The following PLCE1 variants were observed in gnomAD, a reference collection of about 807,000 sequenced individuals.
PLCE1 encodes phospholipase C epsilon 1.
PLCE1 carries 119 observed loss-of-function variants against 242.8 expected under a neutral mutation model. That is an observed-to-expected ratio of 0.49 (90% CI 0.42 to 0.57). The LOEUF is 0.57. PLCE1 is among the 20% of genes least tolerant of loss of function. The pLI, the probability that PLCE1 is intolerant of heterozygous loss-of-function variation, is 0.00. For missense variants in PLCE1, 2,441 were observed against 2,788.8 expected, an observed-to-expected ratio of 0.88 and a Z score of 2.81; for synonymous variants, 945 against 1,017.4, an observed-to-expected ratio of 0.93 and a Z score of 1.35.
intron 1 of PLCE1, among the ~76,000 whole-genome samples, chr10:94,008,907 A>G (rs1420667583): frequency 2.0e-5 from 3 of 152,116 alleles, no homozygotes; most frequent in East Asian, 3.9e-4. Flanking sequence ...AGCCGTGTGT[A>G]TGGGTTTTGC....
chr10:94,302,015 T>C (rs1415991182), intron 24 of PLCE1, among the ~76,000 whole-genome samples: 1 of 152,220 alleles, frequency 6.6e-6, no homozygotes, highest in Non-Finnish European at 1.5e-5. Flanking sequence ...TATCTATCAT[T>C]ATGTGCATTG....
intron 11 of PLCE1, among the ~76,000 whole-genome samples, chr10:94,255,943 CT>C (rs2051071657): frequency 2.5e-4 from 37 of 148,588 alleles, no homozygotes; most frequent in Non-Finnish European, 4.6e-4. Context: ...CTCTCTCTCT[CT>C]CTCTCTCTCT....
At chr10:94,038,536 T>C (rs1259372260) in intron 2 of PLCE1, among the ~76,000 whole-genome samples, 2 of 152,064 alleles carry the variant, frequency 1.3e-5, no homozygotes, top group Admixed American at 6.6e-5. Flanking sequence ...CCTTCTTATT[T>C]AGGCCATCAC....
chr10:94,096,050 T>C (rs1257434699), intron 2 of PLCE1, among the ~76,000 whole-genome samples: 1 of 152,182 alleles, frequency 6.6e-6, no homozygotes, highest in Non-Finnish European at 1.5e-5. Context: ...GGGCCGTGAC[T>C]TCATTGCCCA....
chr10:94,161,731 G>A (rs1276953113), intron 3 of PLCE1, among the ~76,000 whole-genome samples: 1 of 152,128 alleles, frequency 6.6e-6, no homozygotes, highest in Non-Finnish European at 1.5e-5. Context: ...CCTGTCTTGT[G>A]CCAGTTTTCA....
Position 94,033,575 on chromosome 10 carries a change from A to C in PLCE1, c.1206+1323A>C, listed in dbSNP as rs543366410. Among the ~76,000 whole-genome samples the C allele has an allele frequency of 3.1e-3, 474 of 152,220 alleles. 2 individuals are homozygous for C. The highest frequency in any genetic ancestry group is 0.011 in the African/African-American group (456 of 41,532). On this transcript the variant is annotated intron_variant, in intron 2 of 32. Coordinates refer to ENST00000371380, the MANE Select transcript of PLCE1 (RefSeq NM_016341.4). ...CTTTTTGAGATTAATGAAAATAATGAATCACTTTTTTTTCCTCAACCAGAT... is the reference window on the plus strand; with the variant it reads ...CTTTTTGAGATTAATGAAAATAATGCATCACTTTTTTTTCCTCAACCAGAT...
At chr10:94,236,168 C>T (rs1253782283) in intron 7 of PLCE1, 48 bp downstream of exon 7, 2 of 1,498,830 alleles carry the variant, frequency 1.3e-6, no homozygotes, top group Middle Eastern at 1.7e-4. Context: ...CTTCTTTTTT[C>T]CTGTTGATGA....
At chr10:94,154,272 C>T (rs1271725390) in intron 3 of PLCE1, among the ~76,000 whole-genome samples, 1 of 152,080 alleles carries the variant, frequency 6.6e-6, no homozygotes, top group Non-Finnish European at 1.5e-5. Flanking sequence ...ATCCATATGC[C>T]AAACAATGAA....
chr10:94,195,037 G>A (rs2048776275), intron 4 of PLCE1, among the ~76,000 whole-genome samples: 1 of 152,022 alleles, frequency 6.6e-6, no homozygotes, highest in African/African-American at 2.4e-5. Flanking sequence ...TCTTTATCTG[G>A]ATTCATAGAA....
intron 8 of PLCE1, among the ~76,000 whole-genome samples, chr10:94,251,382 T>C (rs1217469636): frequency 6.6e-6 from 1 of 152,218 alleles, no homozygotes; most frequent in African/African-American, 2.4e-5. Flanking sequence ...GTTTTTTGCA[T>C]ATGATCTGCA....
chr10:93,995,676 A>T (rs758749718), intron 1 of PLCE1, among the ~76,000 whole-genome samples: 1 of 152,270 alleles, frequency 6.6e-6, no homozygotes, highest in Non-Finnish European at 1.5e-5. Flanking sequence ...TACCATTAAC[A>T]CTATCCTTTA....
At chr10:94,191,063 A>G (rs2048647304) in intron 4 of PLCE1, among the ~76,000 whole-genome samples, 1 of 152,228 alleles carries the variant, frequency 6.6e-6, no homozygotes. Flanking sequence ...GTGATGAGAA[A>G]TTAAGGGGCC....
chr10:94,065,034 T>C (rs1428804240), intron 2 of PLCE1, among the ~76,000 whole-genome samples: 1 of 152,240 alleles, frequency 6.6e-6, no homozygotes, highest in African/African-American at 2.4e-5. Context: ...CACTTGCTCC[T>C]TAGGGAAACT....
At chr10:93,994,968 G>A (rs1448176719) in intron 1 of PLCE1, among the ~76,000 whole-genome samples, 1 of 152,184 alleles carries the variant, frequency 6.6e-6, no homozygotes, top group East Asian at 1.9e-4. Context: ...TTGCACGAAG[G>A]TCATAATTTC....
Position 94,281,262 on chromosome 10 carries a change from T to A in PLCE1, c.4795+1351T>A, listed in dbSNP as rs536521650. Among the ~76,000 whole-genome samples, 3 of 152,190 alleles carry A rather than the reference T, an allele frequency of 2.0e-5. No homozygotes were observed. In the South Asian group the frequency reaches 6.2e-4, roughly 32 times the overall value. On this transcript the variant is annotated intron_variant, in intron 20 of 32. Coordinates refer to ENST00000371380, the MANE Select transcript of PLCE1 (RefSeq NM_016341.4). Reference sequence around the variant, plus strand: ...AGATGTCATATGCCCCTATAAGTAGTTAGTCCACTAGAAAACAAATTTGCT... The same window carrying A: ...AGATGTCATATGCCCCTATAAGTAGATAGTCCACTAGAAAACAAATTTGCT...
chr10:94,259,175 C>T lies in PLCE1; in HGVS notation c.3814+25C>T, dbSNP rs754574044. 2.5e-6 allele frequency: 4 copies of T among 1,612,710 alleles called. No individual in the cohort carries two copies. In the South Asian group the frequency reaches 4.4e-5, roughly 18 times the overall value. On this transcript the variant is annotated intron_variant, in intron 13 of 32. Transcript: ENST00000371380. ...GGTTTGTTGAACATTTTAGGATTTCCCTTTGGGATCAATCTGTCTAAAACT... is the reference window on the plus strand; with the variant it reads ...GGTTTGTTGAACATTTTAGGATTTCTCTTTGGGATCAATCTGTCTAAAACT...
chr10:94,246,678 T>C (rs2050693494), intron 8 of PLCE1, 57 bp downstream of exon 8: 2 of 1,502,354 alleles, frequency 1.3e-6, no homozygotes, highest in African/African-American at 2.7e-5. Flanking sequence ...GAGCACACAC[T>C]GGGTGACCAG....
chr10:94,195,823 G>T (rs1449846815), intron 4 of PLCE1, among the ~76,000 whole-genome samples: 2 of 152,116 alleles, frequency 1.3e-5, no homozygotes, highest in Non-Finnish European at 1.5e-5. Context: ...GGGAAACTTT[G>T]AACAGGATTA....
intron 2 of PLCE1, among the ~76,000 whole-genome samples, chr10:94,038,151 T>C (rs1215286069): frequency 6.6e-6 from 1 of 152,122 alleles, no homozygotes; most frequent in Non-Finnish European, 1.5e-5. Context: ...TCACGAGTCA[T>C]AGAAGTGGCC....
Sources: allele counts gnomAD v4.1 joint callset (sites outside exome capture counted in the v4.1 genomes callset), GRCh38; gene constraint gnomAD v4.1.1; transcripts MANE v1.5; gene names NCBI Gene and HGNC (gene_info 2026-07-23, HGNC 2026-07-21).